Variants in KCNK12 observed in about 807,000 individuals in gnomAD.
The protein encoded by KCNK12 is potassium channel subfamily K member 12.
A neutral mutation model predicts 25.3 loss-of-function variants in KCNK12; 6 were observed. The ratio of observed to expected loss-of-function variants is 0.24; its 90% CI spans 0.13 to 0.47. KCNK12 has a LOEUF of 0.47. KCNK12 is among the 20% of genes least tolerant of loss of function. The pLI, the probability that KCNK12 is intolerant of heterozygous loss-of-function variation, is 0.99. For missense variants in KCNK12, 444 were observed against 661.7 expected (o/e 0.67, Z 3.61); for synonymous variants, 331 against 311.1 (o/e 1.06, Z -0.67).
rs1363390386 is a variant in KCNK12 at position 47,529,861 on chromosome 2, T to A, written c.392-8053A>T. Among the ~76,000 whole-genome samples, 1 of 152,226 alleles carries A rather than the reference T, an allele frequency of 6.6e-6. No individual in the cohort carries two copies. Among genetic ancestry groups the A allele is most frequent in the Non-Finnish European group, 1.5e-5 (1 of 68,038 alleles). ...CTTGGGTAAACAAGAAATCATTTTT[T>A]AAGTATAAGTATGTCCCAAATATTG... On this transcript the variant is annotated intron_variant, in intron 1 of 1. Coordinates refer to ENST00000327876, the MANE Select transcript of KCNK12 (RefSeq NM_022055.2). The surrounding 1 kb of genome is among the most constrained non-coding windows in gnomAD (Gnocchi z 4.3).
rs952208247 is a variant in KCNK12 at position 47,547,021 on chromosome 2, A to G, written c.391+22920T>C. Reference sequence around the variant, plus strand: ...GGGTAGCTGCCCACCCTCTGCCCCAAAAAGAAAGCCCGCAGTCCACAAGCC... The same window carrying G: ...GGGTAGCTGCCCACCCTCTGCCCCAGAAAGAAAGCCCGCAGTCCACAAGCC... On this transcript the variant is annotated intron_variant, in intron 1 of 1. Transcript: ENST00000327876. The surrounding 1 kb of genome is among the most constrained non-coding windows in gnomAD (Gnocchi z 5.0). Among the ~76,000 whole-genome samples the G allele has an allele frequency of 3.9e-5, 6 of 152,164 alleles. No homozygotes were observed. Among genetic ancestry groups the G allele is most frequent in the Non-Finnish European group, 8.8e-5 (6 of 68,030 alleles).
intron 1 of KCNK12, among the ~76,000 whole-genome samples, chr2:47,544,284 C>A (rs913724496): frequency 1.3e-5 from 2 of 152,220 alleles, no homozygotes; most frequent in African/African-American, 2.4e-5. Context: ...ACAGTCTCAG[C>A]CTGTAACGCT....
In KCNK12 at chr2:47,558,157, C is replaced by G. The variant is rs376322822; in HGVS notation, c.391+11784G>C. On this transcript the variant is annotated intron_variant, in intron 1 of 1. Transcript: ENST00000327876. The stretch of plus-strand genomic sequence containing the variant: ...CTGTAGCCCCTCCCATGTGCCATGC[C>G]CTGTGCCAGGCACTGGAGACATGGA... Among the ~76,000 whole-genome samples, 12 of 152,356 alleles carry G rather than the reference C, an allele frequency of 7.9e-5. No homozygotes were observed. In the East Asian group the frequency reaches 2.1e-3, roughly 27 times the overall value.
Position 47,533,570 on chromosome 2 carries a change from T to C in KCNK12, c.392-11762A>G, listed in dbSNP as rs1043828667. 6.6e-6 allele frequency among the ~76,000 whole-genome samples: 1 copy of C among 152,322 alleles called. No individual in the cohort carries two copies. The highest frequency in any genetic ancestry group is 2.1e-4 in the South Asian group (1 of 4,824). On this transcript the variant is annotated intron_variant, in intron 1 of 1. Transcript: ENST00000327876. The surrounding 1 kb of genome is among the most constrained non-coding windows in gnomAD (Gnocchi z 4.7). ...GGCACAGTCAAGCCTGGCTCTACCA[T>C]TGGCTCGCCGTTCTCCTACCTCGCT...
rs996646442 is a variant in KCNK12, at chr2:47,560,223, C to T, written c.391+9718G>A. Among the ~76,000 whole-genome samples, 2 of 152,182 alleles carry T rather than the reference C, an allele frequency of 1.3e-5. No individual in the cohort carries two copies. Among genetic ancestry groups the T allele is most frequent in the African/African-American group, 2.4e-5 (1 of 41,440 alleles). ...AAGGCTGAGGGTTCTCAGGTCTGGG[C>T]GGGAGCTCGGTCCTCTTCAACAAGT... On this transcript the variant is annotated intron_variant, in intron 1 of 1. Transcript: ENST00000327876. This position sits in a 1 kb window ranked among gnomAD's most constrained non-coding sequence, Gnocchi z 4.7.
In KCNK12 at chr2:47,533,516, G is replaced by C. The variant is rs1668983340; in HGVS notation, c.392-11708C>G. Among the ~76,000 whole-genome samples, 1 of 152,184 alleles carries C rather than the reference G, an allele frequency of 6.6e-6. No homozygotes were observed. Among genetic ancestry groups the C allele is most frequent in the South Asian group, 2.1e-4 (1 of 4,832 alleles). ...TGGGCAAATCACGACATGACATATG[G>C]ATTTCCATGGCAGGGAAATGCCCCC... On this transcript the variant is annotated intron_variant, in intron 1 of 1. Transcript: ENST00000327876. This position sits in a 1 kb window ranked among gnomAD's most constrained non-coding sequence, Gnocchi z 4.7.
rs1370821687 is a variant in KCNK12 at position 47,566,721 on chromosome 2, C to G, written c.391+3220G>C. The G allele has an allele frequency of 2.0e-5, 3 of 152,188 alleles. No individual in the cohort carries two copies. The highest frequency in any genetic ancestry group is 2.0e-4 in the Admixed American group (3 of 15,284). The allele number at this position is 152,188 out of a possible 1,614,324, so 9.4% of individuals were successfully genotyped here. A position where few individuals can be genotyped will look rare whatever the true frequency, so the allele number is the denominator to read the frequency against. On this transcript the variant is annotated intron_variant, in intron 1 of 1. Coordinates refer to ENST00000327876, the MANE Select transcript of KCNK12 (RefSeq NM_022055.2). The surrounding 1 kb of genome is among the most constrained non-coding windows in gnomAD (Gnocchi z 4.1). ...GGTTACACACACATACACTCTCTCTCACACTCAGACAGACAGACATTATTA... is the reference window on the plus strand; with the variant it reads ...GGTTACACACACATACACTCTCTCTGACACTCAGACAGACAGACATTATTA...
chr2:47,521,242 G>A lies in KCNK12; in HGVS notation c.958C>T (p.Arg320Cys). Residue 320 changes from arginine (R) to cysteine (C), a missense_variant, in exon 2 of 2, where the codon CGC (arginine) becomes TGC (cysteine). This residue lies in a region of KCNK12 where 69 missense variants were observed against 81.7 expected (regional missense o/e 0.84). Transcript: ENST00000327876. Reference sequence around the variant, plus strand: ...GGCGCGCCAGGAGCCGGGCAGCAGCGCGCGCAGCAGCGGCAGCTCAGCTTG... The same window carrying A: ...GGCGCGCCAGGAGCCGGGCAGCAGCACGCGCAGCAGCGGCAGCTCAGCTTG... ...LRKLSCRCCA[R>C]CCPAPGAPLA... 6.2e-7 allele frequency: 1 copy of A among 1,605,880 alleles called. No individual in the cohort carries two copies. The highest frequency in any genetic ancestry group is 8.5e-7 in the Non-Finnish European group (1 of 1,176,526).
At chr2:47,526,285 A>C (rs975917499) in intron 1 of KCNK12, among the ~76,000 whole-genome samples, 5 of 150,888 alleles carry the variant, frequency 3.3e-5, no homozygotes, top group Non-Finnish European at 7.4e-5. Context: ...GGGTGCCTGT[A>C]GTCCCAGCTA....
chr2:47,552,288 G>A (rs1192315296), intron 1 of KCNK12, among the ~76,000 whole-genome samples: 1 of 152,118 alleles, frequency 6.6e-6, no homozygotes, highest in Non-Finnish European at 1.5e-5. Flanking sequence ...GGGCACAGGG[G>A]GCTGCCCTCA....
intron 1 of KCNK12, among the ~76,000 whole-genome samples, chr2:47,537,130 G>C (rs1265216121): frequency 2.6e-5 from 4 of 152,190 alleles, no homozygotes; most frequent in African/African-American, 9.7e-5. Context: ...CGGCGCTCAG[G>C]GGCTGCCTTC....
At chr2:47,535,437 T>G (rs115334582) in intron 1 of KCNK12, among the ~76,000 whole-genome samples, 7,302 of 151,928 alleles carry the variant, frequency 0.048, 555 homozygotes, top group African/African-American at 0.16. Flanking sequence ...AGGGGTAAGG[T>G]GCACCCCTCC....
intron 1 of KCNK12, among the ~76,000 whole-genome samples, chr2:47,526,506 G>A (rs543088185): frequency 6.6e-6 from 1 of 152,084 alleles, no homozygotes; most frequent in African/African-American, 2.4e-5. Context: ...GCCAAGGTGG[G>A]TGCATCACTT....
intron 1 of KCNK12, among the ~76,000 whole-genome samples, chr2:47,544,910 C>G (rs1358698523): frequency 1.3e-5 from 2 of 152,172 alleles, no homozygotes; most frequent in Admixed American, 1.3e-4. Context: ...AAAATAGACT[C>G]AAGGACAAAA....
At chr2:47,537,877 C>G (rs778972062) in intron 1 of KCNK12, among the ~76,000 whole-genome samples, 1 of 152,126 alleles carries the variant, frequency 6.6e-6, no homozygotes, top group Non-Finnish European at 1.5e-5. Flanking sequence ...TGGGAGGGTG[C>G]CCCAGAGCAG....
Position 47,547,866 on chromosome 2 carries a change from G to C in KCNK12, c.391+22075C>G, listed in dbSNP as rs546893133. Among the ~76,000 whole-genome samples, 4 of 152,258 alleles carry C rather than the reference G, an allele frequency of 2.6e-5. No homozygotes were observed. The highest frequency in any genetic ancestry group is 6.5e-5 in the Admixed American group (1 of 15,298). ...TTCTCACTCCTGGCTACATATTAGA[G>C]TTGATATGGTTTGGATTTGTGTCCC... On this transcript the variant is annotated intron_variant, in intron 1 of 1. Coordinates refer to ENST00000327876, the MANE Select transcript of KCNK12 (RefSeq NM_022055.2). The surrounding 1 kb of genome is among the most constrained non-coding windows in gnomAD (Gnocchi z 5.0).
rs1459528483 is a variant in KCNK12 at position 47,511,427 on chromosome 2, C to T, written c.*9480G>A. Among the ~76,000 whole-genome samples the T allele has an allele frequency of 6.6e-6, 1 of 152,192 alleles. No homozygotes were observed. The highest frequency in any genetic ancestry group is 2.1e-4 in the South Asian group (1 of 4,826). ...GCATATATGTATTTGGACCAATGCT[C>T]TCATGTGTGCAAATACATGTATTCT... On this transcript the variant is annotated 3_prime_UTR_variant, in exon 2 of 2. Coordinates refer to ENST00000327876, the MANE Select transcript of KCNK12 (RefSeq NM_022055.2). This position sits in a 1 kb window ranked among gnomAD's most constrained non-coding sequence, Gnocchi z 4.3.
rs572924306 is a variant in KCNK12 at position 47,547,460 on chromosome 2, T to C, written c.391+22481A>G. On this transcript the variant is annotated intron_variant, in intron 1 of 1. Coordinates refer to ENST00000327876, the MANE Select transcript of KCNK12 (RefSeq NM_022055.2). This position sits in a 1 kb window ranked among gnomAD's most constrained non-coding sequence, Gnocchi z 5.0. ...GTGATCTTTTCTTTTTCTTTTTGCG[T>C]CTGGGTCTGGCTCTATTGCCCAGGC... Among the ~76,000 whole-genome samples, 4 of 152,330 alleles carry C rather than the reference T, an allele frequency of 2.6e-5. No homozygotes were observed. In the South Asian group the frequency reaches 8.3e-4, roughly 32 times the overall value.
Position 47,515,751 on chromosome 2 carries a change from G to A in KCNK12, c.*5156C>T, listed in dbSNP as rs1284671375. Among the ~76,000 whole-genome samples, 2 of 152,110 alleles carry A rather than the reference G, an allele frequency of 1.3e-5. No homozygotes were observed. Among genetic ancestry groups the A allele is most frequent in the Non-Finnish European group, 2.9e-5 (2 of 68,014 alleles). ...AAAAGAAGGAGGGGGATGTGGAGGG[G>A]AGAGAAGGCCTCAGTAGAGTTTGCA... On this transcript the variant is annotated 3_prime_UTR_variant, in exon 2 of 2. Transcript: ENST00000327876.
Sources: allele counts gnomAD v4.1 joint callset (sites outside exome capture counted in the v4.1 genomes callset), GRCh38; gene constraint gnomAD v4.1.1; regional missense constraint gnomAD v4.1.1; non-coding constraint Gnocchi (gnomAD v3.1); transcripts MANE v1.5; gene names NCBI Gene and HGNC (gene_info 2026-07-23, HGNC 2026-07-21).